NOL8: variants seen among roughly 807,000 people sequenced by gnomAD.
The protein encoded by NOL8 is nucleolar protein 8.
In NOL8, 93 loss-of-function variants were observed where a neutral mutation model predicts 116.1. The observed-to-expected ratio is 0.80, with a 90% CI of 0.68 to 0.95. NOL8 has a LOEUF of 0.95. NOL8 is among the 40% of genes least tolerant of loss of function. NOL8 has a pLI of 0.00. For missense variants in NOL8, 1,291 were observed against 1,382.8 expected (o/e 0.93, Z 1.05); for synonymous variants, 419 against 469.0 (o/e 0.89, Z 1.38).
rs1287324067 is a variant in NOL8, at chr9:92,301,693, T to C, written c.3033A>G (p.Glu1011=). Residue 1011 remains glutamate, a synonymous_variant, in exon 13 of 17, where the codon GAA becomes GAG. Coordinates refer to ENST00000442668, the MANE Select transcript of NOL8 (RefSeq NM_017948.6). ...FQTTKYTSEK[E]EGTPWNEDCG... ...AGTCCTCATTCCAGGGTGTGCCCTC[T>C]TCCTTTTCACTGGTATATTTTGTAG... 3 of 1,608,002 alleles carry C rather than the reference T, an allele frequency of 1.9e-6. No homozygotes were observed. Among genetic ancestry groups the C allele is most frequent in the Non-Finnish European group, 2.5e-6 (3 of 1,178,360 alleles).
intron 13 of NOL8, 149 bp downstream of exon 13, chr9:92,301,402 A>T: frequency 1.6e-6 from 1 of 631,104 alleles, no homozygotes; most frequent in Middle Eastern, 4.4e-4. Context: ...CATCGTGTTT[A>T]TGCTCCTGTG....
chr9:92,303,099 AAG>A (rs1248602150), intron 12 of NOL8, among the ~76,000 whole-genome samples: 1 of 152,202 alleles, frequency 6.6e-6, no homozygotes, highest in East Asian at 1.9e-4. Context: ...ACAGTGAAAT[AAG>A]AGAGGAGAGA....
intron 3 of NOL8, among the ~76,000 whole-genome samples, chr9:92,322,550 T>C (rs930503081): frequency 5.3e-5 from 8 of 152,222 alleles, no homozygotes; most frequent in African/African-American, 1.9e-4. Context: ...AAAGATGGGG[T>C]TTCACCATGT....
rs1257296013 is a variant in NOL8, at chr9:92,297,667, G to A, written c.*169C>T. ...TTGAAGTAATTACTTAGGAAGAAAT[G>A]CAGAGGAGTTCCACAGAAAAAGATG... On this transcript the variant is annotated 3_prime_UTR_variant, in exon 17 of 17. Transcript: ENST00000442668. 1.7e-6 allele frequency: 1 copy of A among 585,274 alleles called. No homozygotes were observed. The highest frequency in any genetic ancestry group is 3.4e-5 in the Admixed American group (1 of 29,812). The allele number at this position is 585,274 out of a possible 1,614,324, so 36.3% of individuals were successfully genotyped here. A position where few individuals can be genotyped will look rare whatever the true frequency, so the allele number is the denominator to read the frequency against.
chr9:92,315,447 T>G lies in NOL8; in HGVS notation c.1178A>C (p.Lys393Thr). Reference sequence around the variant, plus strand: ...TGAAAATTCTGTACTGTTTTTGACCTTAGCAACATTTTTTTTCATCGCAAT... The same window carrying G: ...TGAAAATTCTGTACTGTTTTTGACCGTAGCAACATTTTTTTTCATCGCAAT... ...EIIAMKKNVA[K>T]VKNSTEFSQM... The change falls in exon 7 of 17, where the codon AAG (lysine) becomes ACG (threonine). Residue 393 changes from lysine to threonine, a missense_variant. By Grantham distance (78) the Lys-to-Thr change is moderately conservative. Coordinates refer to ENST00000442668, the MANE Select transcript of NOL8 (RefSeq NM_017948.6). 1 of 1,595,306 alleles carries G rather than the reference T, an allele frequency of 6.3e-7. No individual in the cohort carries two copies. The highest frequency in any genetic ancestry group is 8.5e-7 in the Non-Finnish European group (1 of 1,169,684).
At chr9:92,301,861 C>T in intron 12 of NOL8, 39 bp from the exon 13 acceptor site, 2 of 1,498,910 alleles carry the variant, frequency 1.3e-6, no homozygotes, top group East Asian at 2.5e-5. Flanking sequence ...CACAAAGAAA[C>T]AAGTTTTGGG....
At chr9:92,304,325 T>G (rs922566844) in intron 12 of NOL8, among the ~76,000 whole-genome samples, 1 of 152,238 alleles carries the variant, frequency 6.6e-6, no homozygotes, top group South Asian at 2.1e-4. Context: ...GTACCTATAG[T>G]GGTTATCCAA....
Position 92,314,621 on chromosome 9 carries a change from ACTTCT to A in NOL8, c.1999_2003del (p.Arg667Ter). 1 of 1,612,906 alleles carries A rather than the reference ACTTCT, an allele frequency of 6.2e-7. No homozygotes were observed. Among genetic ancestry groups the A allele is most frequent in the Non-Finnish European group, 8.5e-7 (1 of 1,179,350 alleles). ...CTAATGGCCTAGAAATAGGATTCTT[ACTTCT>A]CTTTTCAGAACTGCTAGGGGACACT... On this transcript the variant is annotated frameshift_variant, in exon 7 of 17. Coordinates refer to ENST00000442668, the MANE Select transcript of NOL8 (RefSeq NM_017948.6). LOFTEE classifies it high-confidence loss of function.
At chr9:92,320,796 G>A (rs951057467) in intron 4 of NOL8, among the ~76,000 whole-genome samples, 3 of 151,990 alleles carry the variant, frequency 2.0e-5, no homozygotes, top group Admixed American at 6.6e-5. Flanking sequence ...TAGTAGAGAC[G>A]GGGTTTCACC....
intron 2 of NOL8, 97 bp downstream of exon 2, chr9:92,323,926 G>A (rs749139847): frequency 6.9e-5 from 92 of 1,342,852 alleles, no homozygotes; most frequent in Non-Finnish European, 8.8e-5. Flanking sequence ...AACTTTTGGT[G>A]TTCAGAGCTA....
Position 92,315,141 on chromosome 9 carries a change from G to A in NOL8, c.1484C>T (p.Ala495Val). 6.2e-7 allele frequency: 1 copy of A among 1,613,944 alleles called. No homozygotes were observed. Among genetic ancestry groups the A allele is most frequent in the Non-Finnish European group, 8.5e-7 (1 of 1,179,892 alleles). Residue 495 changes from alanine to valine, a missense_variant, in exon 7 of 17, where the codon GCT (alanine) becomes GTT (valine). Transcript: ENST00000442668. Reference sequence around the variant, plus strand: ...ATTTGGAACCTTCAGATCACTGCCAGCCAATTGTTCCAAATCAGCTAAAGT... The same window carrying A: ...ATTTGGAACCTTCAGATCACTGCCAACCAATTGTTCCAAATCAGCTAAAGT... ...NLTLADLEQL[A>V]GSDLKVPNED...
At chr9:92,305,685 C>G in intron 12 of NOL8, 68 bp downstream of exon 12, 6 of 1,167,706 alleles carry the variant, frequency 5.1e-6, no homozygotes, top group Middle Eastern at 4.4e-4. Context: ...TTCCTACCTA[C>G]ATTTTTAATT....
intron 15 of NOL8, 129 bp downstream of exon 15, chr9:92,298,755 T>C: frequency 1.9e-6 from 1 of 536,434 alleles, no homozygotes; most frequent in East Asian, 3.2e-5. Flanking sequence ...CAAGTTAACA[T>C]TCATCAGTGT....
chr9:92,298,206 G>C, intron 16 of NOL8, 51 bp downstream of exon 16: 2 of 1,356,826 alleles, frequency 1.5e-6, no homozygotes, highest in East Asian at 4.9e-5. Flanking sequence ...TGTAATTCTA[G>C]ATAGGTAACA....
intron 8 of NOL8, 24 bp from the exon 9 acceptor site, chr9:92,310,699 T>C: frequency 6.3e-7 from 1 of 1,584,242 alleles, no homozygotes. Context: ...CAACATTTAT[T>C]AATAGCAGAG....
At position 92,298,342 on chromosome 9, in the gene NOL8, A is replaced by C. The variant is rs551969244; in HGVS notation, c.3374-6T>G. On this transcript the variant is annotated splice_polypyrimidine_tract_variant and splice_region_variant and intron_variant, in intron 15 of 16. Coordinates refer to ENST00000442668, the MANE Select transcript of NOL8 (RefSeq NM_017948.6). ...TCTCCAGAATAAGTCAGAACCTATT[A>C]GGGGAAAAAGAAGAAAGATGAGGCA... The C allele has an allele frequency of 6.3e-7, 1 of 1,585,666 alleles. No individual in the cohort carries two copies. The highest frequency in any genetic ancestry group is 1.4e-5 in the African/African-American group (1 of 74,022).
At position 92,324,123 on chromosome 9, in the gene NOL8, A is replaced by G. The variant is rs559163709; in HGVS notation, c.39T>C (p.Gly13=). 6.2e-6 allele frequency: 10 copies of G among 1,613,924 alleles called. No individual in the cohort carries two copies. Among genetic ancestry groups the G allele is most frequent in the Non-Finnish European group, 8.5e-6 (10 of 1,179,896 alleles). ...CCTCAGAAATGTCCTGGCTAAGGCC[A>G]CCCACATAAAGGCGCTTCGTTTCTC... ...VNRETKRLYV[G]GLSQDISEAD... is the part of the protein sequence containing the mutation. The change falls in exon 2 of 17, where the codon GGT becomes GGC. Residue 13 remains glycine (G), a synonymous_variant. Transcript: ENST00000442668.
At chr9:92,300,041 T>C in intron 13 of NOL8, 25 bp from the exon 14 acceptor site, 1 of 1,608,346 alleles carries the variant, frequency 6.2e-7, no homozygotes, top group Non-Finnish European at 8.5e-7. Context: ...CAACAAAAGA[T>C]GATGGGATTG....
intron 12 of NOL8, among the ~76,000 whole-genome samples, chr9:92,302,662 A>C (rs897957332): frequency 1.2e-4 from 19 of 152,224 alleles, no homozygotes; most frequent in African/African-American, 4.6e-4. Flanking sequence ...TGGTGGCTTT[A>C]AAATTTGTCC....
Sources: gnomAD v4.1 joint callset for allele counts (sites outside exome capture counted in the v4.1 genomes callset) on GRCh38, gnomAD v4.1.1 for gene constraint, MANE v1.5 for transcripts, NCBI Gene and HGNC (gene_info 2026-07-23, HGNC 2026-07-21) for gene names.